The following CLGN variants were observed in gnomAD, a reference collection of about 807,000 sequenced individuals.
The protein encoded by CLGN is calmegin.
A neutral mutation model predicts 79.1 loss-of-function variants in CLGN; 62 were observed. The observed-to-expected ratio is 0.78, with a 90% CI of 0.64 to 0.97. CLGN has a LOEUF of 0.97. Among genes scored for constraint, CLGN ranks in the 50% least tolerant of loss-of-function variants. CLGN has a pLI of 0.00. For synonymous variants in CLGN, 225 were observed against 224.7 expected (o/e 1.00, Z -0.01); for missense variants, 647 against 715.5 (o/e 0.90, Z 1.09).
In CLGN at chr4:140,398,858, C is replaced by G; in HGVS notation, c.877G>C (p.Glu293Gln). The G allele has an allele frequency of 6.2e-7, 1 of 1,613,590 alleles. No individual in the cohort carries two copies. ...ACCGAATTATTTGCTTACCAGTCTTCTGGTTTGACGGCAGAAGGATCAGGA... is the reference window on the plus strand; with the variant it reads ...ACCGAATTATTTGCTTACCAGTCTTGTGGTTTGACGGCAGAAGGATCAGGA... ...KIPDPSAVKP[E>Q]DWDESEPAQI... Residue 293 changes from glutamate (E) to glutamine (Q), a missense_variant, in exon 8 of 15, where the codon GAA becomes CAA. Transcript: ENST00000325617.
chr4:140,396,931 A>ATG, intron 8 of CLGN, among the ~76,000 whole-genome samples: 1 of 142,568 alleles, frequency 7.0e-6, no homozygotes, highest in Non-Finnish European at 1.5e-5. Flanking sequence ...ATACACATAT[A>ATG]TATATATACA....
chr4:140,426,662 CTT>C (rs1440511428), intron 1 of CLGN: 2 of 152,260 alleles, frequency 1.3e-5, no homozygotes, highest in Admixed American at 6.5e-5. Flanking sequence ...TTAATGAACT[CTT>C]TTCTAATTTG....
Position 140,395,829 on chromosome 4 carries a change from G to C in CLGN, c.1139C>G (p.Pro380Arg). ...GVWRPPLVDN[P>R]NYQGIWSPRK... ...ACAAGCGGTTGTTACCTGATAGTTA[G>C]GATTATCGACCAGTGGAGGTCTCCA... is the stretch of plus-strand genomic sequence containing the variant. Residue 380 changes from proline to arginine, a missense_variant, in exon 10 of 15, where the codon CCT (proline) becomes CGT (arginine). By Grantham distance (103) the Pro-to-Arg change is moderately radical. Coordinates refer to ENST00000325617, the MANE Select transcript of CLGN (RefSeq NM_004362.3). 1 of 1,491,994 alleles carries C rather than the reference G, an allele frequency of 6.7e-7. No homozygotes were observed. Among genetic ancestry groups the C allele is most frequent in the East Asian group, 2.3e-5 (1 of 42,700 alleles). The allele number at this position is 1,491,994 out of a possible 1,614,324, so 92.4% of individuals were successfully genotyped here. A position where few individuals can be genotyped will look rare whatever the true frequency, so the allele number is the denominator to read the frequency against.
intron 10 of CLGN, among the ~76,000 whole-genome samples, chr4:140,395,457 T>G (rs1295909212): frequency 2.6e-5 from 4 of 152,304 alleles, no homozygotes; most frequent in Admixed American, 6.5e-5. Context: ...AAAATCAGAA[T>G]TTTAATAATA....
intron 1 of CLGN, among the ~76,000 whole-genome samples, chr4:140,416,686 T>C (rs1278842875): frequency 6.6e-6 from 1 of 151,552 alleles, no homozygotes; most frequent in South Asian, 2.1e-4. Context: ...AATAACAGGA[T>C]CTGAAATTGT....
intron 12 of CLGN, 96 bp from the exon 13 acceptor site, chr4:140,392,474 T>G: frequency 1.3e-6 from 2 of 1,482,776 alleles, no homozygotes; most frequent in Non-Finnish European, 1.8e-6. Flanking sequence ...GAACTATCAG[T>G]AAAACTTATG....
At chr4:140,395,278 C>T (rs997027023) in intron 10 of CLGN, among the ~76,000 whole-genome samples, 2 of 151,986 alleles carry the variant, frequency 1.3e-5, no homozygotes, top group African/African-American at 4.8e-5. Flanking sequence ...TCCTGAGTAG[C>T]TGGGACTACA....
chr4:140,400,333 CATGA>C lies in CLGN; in HGVS notation c.694+20_694+23del. 4 of 1,516,910 alleles carry C rather than the reference CATGA, an allele frequency of 2.6e-6. No individual in the cohort carries two copies. The highest frequency in any genetic ancestry group is 3.6e-6 in the Non-Finnish European group (4 of 1,110,582). The allele number at this position is 1,516,910 out of a possible 1,614,324, so 94.0% of individuals were successfully genotyped here. On this transcript the variant is annotated intron_variant, in intron 7 of 14. Coordinates refer to ENST00000325617, the MANE Select transcript of CLGN (RefSeq NM_004362.3). ...AATAGTCAGCAAATATTTTTGAATA[CATGA>C]ATGAATTAAAAGGGTATACCAAGGG...
intron 7 of CLGN, among the ~76,000 whole-genome samples, chr4:140,399,442 T>C (rs1578596199): frequency 1.3e-5 from 2 of 152,252 alleles, no homozygotes; most frequent in East Asian, 3.8e-4. Context: ...GTTCTAGTAA[T>C]ATTTTCTCAT....
In CLGN at chr4:140,415,758, T is replaced by G. The variant is rs1447202630; in HGVS notation, c.-9-2671A>C. Among the ~76,000 whole-genome samples, 877 of 122,256 alleles carry G rather than the reference T, an allele frequency of 7.2e-3. 6 individuals carry two copies. The highest frequency in any genetic ancestry group is 0.011 in the Non-Finnish European group (662 of 58,676). The allele number at this position is 122,256 out of a possible 152,430, so 80.2% of individuals were successfully genotyped here. On this transcript the variant is annotated intron_variant, in intron 1 of 14. Transcript: ENST00000325617. ...CTCCCACACATTAATAATGGGAGAC[T>G]TTAACACCCCACTGTCAACATTAGA...
chr4:140,426,498 A>G (rs1039696100), intron 1 of CLGN, among the ~76,000 whole-genome samples: 2 of 152,256 alleles, frequency 1.3e-5, no homozygotes, highest in Non-Finnish European at 2.9e-5. Context: ...CAAACCAATA[A>G]GACGTGAAGG....
intron 10 of CLGN, among the ~76,000 whole-genome samples, chr4:140,394,294 A>T (rs1728829998): frequency 6.6e-6 from 1 of 152,208 alleles, no homozygotes; most frequent in South Asian, 2.1e-4. Context: ...CATAAACAGA[A>T]ACGTGAATAA....
intron 1 of CLGN, among the ~76,000 whole-genome samples, chr4:140,425,182 G>A (rs1729541443): frequency 6.6e-6 from 1 of 152,170 alleles, no homozygotes; most frequent in African/African-American, 2.4e-5. Context: ...CCATTACCTG[G>A]TTCCAGCCAA....
At chr4:140,393,802 T>G in intron 11 of CLGN, 24 bp downstream of exon 11, 1 of 1,594,938 alleles carries the variant, frequency 6.3e-7, no homozygotes, top group South Asian at 1.1e-5. Flanking sequence ...GTTATATCAC[T>G]ACTGCTATTG....
chr4:140,395,713 A>G (rs1728860132), intron 10 of CLGN, 106 bp downstream of exon 10: 2 of 955,730 alleles, frequency 2.1e-6, no homozygotes, highest in African/African-American at 1.7e-5. Context: ...ACATCTTAAA[A>G]TTAAAAATGA....
intron 5 of CLGN, among the ~76,000 whole-genome samples, chr4:140,405,473 C>T (rs972229265): frequency 1.3e-4 from 19 of 151,946 alleles, no homozygotes; most frequent in Admixed American, 2.6e-4. Flanking sequence ...CGTGAGCCAC[C>T]GCGCCCGGCG....
chr4:140,413,414 C>T (rs939202193), intron 1 of CLGN, among the ~76,000 whole-genome samples: 10 of 152,114 alleles, frequency 6.6e-5, no homozygotes, highest in Non-Finnish European at 8.8e-5. Context: ...ACGCAGAAGA[C>T]GGGTGATTTC....
chr4:140,424,003 A>C (rs973906490), intron 1 of CLGN, among the ~76,000 whole-genome samples: 1 of 150,860 alleles, frequency 6.6e-6, no homozygotes, highest in African/African-American at 2.4e-5. Context: ...TTGTTTTTCT[A>C]TTTTCTATTT....
chr4:140,396,888 T>TATATATATATATATAC (rs1728893359), intron 8 of CLGN, among the ~76,000 whole-genome samples: 3 of 61,548 alleles, frequency 4.9e-5, no homozygotes, highest in African/African-American at 7.9e-5. Flanking sequence ...TATATATATA[T>TATATATATATATATAC]ATGTATATAT....
Sources: allele counts gnomAD v4.1 joint callset (sites outside exome capture counted in the v4.1 genomes callset), GRCh38; gene constraint gnomAD v4.1.1; transcripts MANE v1.5; gene names NCBI Gene and HGNC (gene_info 2026-07-23, HGNC 2026-07-21).